Variants in PTGR2 observed in about 807,000 individuals in gnomAD.
The protein encoded by PTGR2 is prostaglandin reductase 2, also known as 15-oxoprostaglandin 13-reductase.
A neutral mutation model predicts 43.4 loss-of-function variants in PTGR2; 32 were observed. The observed-to-expected ratio is 0.74, with a 90% CI of 0.56 to 0.99. PTGR2 has a LOEUF of 0.99. Among genes scored for constraint, PTGR2 ranks in the 50% least tolerant of loss-of-function variants. The pLI, the probability that PTGR2 is intolerant of heterozygous loss-of-function variation, is 0.00. For missense variants in PTGR2, 373 were observed against 420.0 expected, an observed-to-expected ratio of 0.89 and a Z score of 0.98; for synonymous variants, 106 against 139.2, an observed-to-expected ratio of 0.76 and a Z score of 1.68.
rs191761740 is a variant in PTGR2, at chr14:73,863,779, C to G, written c.156+3122C>G. Among the ~76,000 whole-genome samples, 425 of 152,170 alleles carry G rather than the reference C, an allele frequency of 2.8e-3. 2 individuals carry two copies. The highest frequency in any genetic ancestry group is 9.8e-3 in the African/African-American group (408 of 41,532). ...AACAGGCGTGCACCACCACACCCAG[C>G]TAATTTTTGTATTTTTAGTAGAGAT... On this transcript the variant is annotated intron_variant, in intron 3 of 9. Transcript: ENST00000555661.
intron 3 of PTGR2, among the ~76,000 whole-genome samples, chr14:73,863,380 C>T (rs543846045): frequency 6.6e-6 from 1 of 152,256 alleles, no homozygotes; most frequent in African/African-American, 2.4e-5. Context: ...GCAATCATAG[C>T]TCACGGCTGC....
chr14:73,872,539 A>G (rs2054760882), intron 3 of PTGR2, among the ~76,000 whole-genome samples: 1 of 152,206 alleles, frequency 6.6e-6, no homozygotes, highest in African/African-American at 2.4e-5. Flanking sequence ...TTCCTTAAGT[A>G]ATTCTTTTAA....
chr14:73,877,409 T>C lies in PTGR2; in HGVS notation c.519+241T>C, dbSNP rs145741690. ...CCTCTAGAGTAGCTGGGACTACAGG[T>C]GTGTGCCACCACACCTGGCTAATTT... On this transcript the variant is annotated intron_variant, in intron 5 of 9. Transcript: ENST00000555661. 5.0e-3 allele frequency: 1,484 copies of C among 297,344 alleles called. 13 individuals are homozygous for C. Among genetic ancestry groups the C allele is most frequent in the African/African-American group, 0.03 (1,386 of 46,282 alleles). The allele number at this position is 297,344 out of a possible 1,614,324, so 18.4% of individuals were successfully genotyped here.
rs934743387 is a variant in PTGR2, at chr14:73,885,481, T to C, written c.*1304T>C. On this transcript the variant is annotated 3_prime_UTR_variant, in exon 10 of 10. Transcript: ENST00000555661. ...TGTTTCTGAATGTTTTGGCTTATGA[T>C]TGTCTACACACTGCCAATATACTTT... 6.6e-6 allele frequency: 1 copy of C among 152,226 alleles called. No individual in the cohort carries two copies. Among genetic ancestry groups the C allele is most frequent in the Admixed American group, 6.5e-5 (1 of 15,278 alleles). 9.4% of individuals were successfully genotyped at this position (152,226 alleles called of 1,614,324 possible).
At position 73,880,174 on chromosome 14, in the gene PTGR2, A is replaced by G; in HGVS notation, c.849A>G (p.Thr283=). Residue 283 remains threonine, a splice_region_variant and synonymous_variant, in exon 7 of 10, where the codon ACA becomes ACG. Transcript: ENST00000555661. ...CAATCCAGAAAGAAAGAAACATCAC[A>G]AGGTGTGTTCTTCCTCTTTGCCCTT... is the stretch of plus-strand genomic sequence containing the variant. ...IEAIQKERNI[T]RERFLVLNYK... The G allele has an allele frequency of 1.2e-6, 2 of 1,613,790 alleles. No individual in the cohort carries two copies. The highest frequency in any genetic ancestry group is 1.1e-5 in the South Asian group (1 of 91,080).
chr14:73,852,374 G>A (rs1448197189), intron 1 of PTGR2, among the ~76,000 whole-genome samples: 3 of 152,094 alleles, frequency 2.0e-5, no homozygotes, highest in Non-Finnish European at 4.4e-5. Context: ...CGATTCTCCT[G>A]CCTCAGCCTC....
At chr14:73,856,123 G>A (rs1213989922) in intron 1 of PTGR2, among the ~76,000 whole-genome samples, 3 of 152,000 alleles carry the variant, frequency 2.0e-5, no homozygotes, top group Non-Finnish European at 4.4e-5. Context: ...GTAGCCTACA[G>A]TAATGTCCTA....
At chr14:73,868,421 T>G (rs2054652604) in intron 3 of PTGR2, among the ~76,000 whole-genome samples, 2 of 152,318 alleles carry the variant, frequency 1.3e-5, no homozygotes, top group Middle Eastern at 6.8e-3. Context: ...TTCTGCTTAA[T>G]CTTTGTATGA....
rs2054800923 is a variant in PTGR2, at chr14:73,874,148, T to C, written c.282T>C (p.Asp94=). The C allele has an allele frequency of 6.8e-6, 11 of 1,614,010 alleles. No individual in the cohort carries two copies. The highest frequency in any genetic ancestry group is 9.3e-6 in the Non-Finnish European group (11 of 1,179,984). The change falls in exon 4 of 10, where the codon GAT becomes GAC. Residue 94 remains aspartate, a synonymous_variant. Transcript: ENST00000555661. ...ESKHTNLTKG[D]FVTSFYWPWQ... ...AACACACAAATTTGACTAAAGGCGA[T>C]TTTGTGACTTCTTTCTATTGGCCCT...
intron 3 of PTGR2, among the ~76,000 whole-genome samples, chr14:73,865,800 T>G (rs887157184): frequency 3.9e-5 from 6 of 152,128 alleles, no homozygotes; most frequent in African/African-American, 1.4e-4. Flanking sequence ...CAGCACTGTT[T>G]GTTGAAAAGA....
intron 7 of PTGR2, among the ~76,000 whole-genome samples, chr14:73,880,516 A>C (rs2054958851): frequency 6.6e-6 from 1 of 151,504 alleles, no homozygotes; most frequent in African/African-American, 2.4e-5. Flanking sequence ...TGGAGGTTGC[A>C]GTGAGCCAAA....
intron 4 of PTGR2, chr14:73,874,628 G>T (rs766666863): frequency 6.6e-6 from 3 of 455,704 alleles, no homozygotes; most frequent in Non-Finnish European, 1.3e-5. Flanking sequence ...CAAACTCCTA[G>T]GCTCAAGCAA....
intron 3 of PTGR2, among the ~76,000 whole-genome samples, chr14:73,864,824 T>C (rs2054567412): frequency 6.6e-6 from 1 of 152,220 alleles, no homozygotes; most frequent in Admixed American, 6.5e-5. Context: ...TCTTTTTTTG[T>C]TTGTCACGTA....
At chr14:73,866,051 G>A (rs2054590681) in intron 3 of PTGR2, among the ~76,000 whole-genome samples, 1 of 151,600 alleles carries the variant, frequency 6.6e-6, no homozygotes, top group Non-Finnish European at 1.5e-5. Flanking sequence ...CGCCAGTCTG[G>A]AGTGCAGTGG....
intron 8 of PTGR2, 77 bp from the exon 9 acceptor site, chr14:73,882,322 C>G (rs1264792887): frequency 1.1e-6 from 1 of 908,354 alleles, no homozygotes; most frequent in South Asian, 1.5e-5. Flanking sequence ...GTATTGCTGG[C>G]TTTTGTAAGT....
At chr14:73,872,649 T>G (rs2054763162) in intron 3 of PTGR2, among the ~76,000 whole-genome samples, 1 of 152,224 alleles carries the variant, frequency 6.6e-6, no homozygotes, top group Admixed American at 6.5e-5. Flanking sequence ...CACCTCAGTT[T>G]TTTAATTTTT....
intron 4 of PTGR2, chr14:73,874,551 T>G (rs1328469361): frequency 2.1e-6 from 1 of 465,494 alleles, no homozygotes; most frequent in African/African-American, 2.0e-5. Context: ...AAGGTGTTCT[T>G]TATTTGTTTC....
chr14:73,860,441 T>C (rs1423335049), intron 2 of PTGR2, 98 bp from the exon 3 acceptor site: 1 of 588,988 alleles, frequency 1.7e-6, no homozygotes, highest in African/African-American at 2.0e-5. Flanking sequence ...CATTCCAGCC[T>C]GGGTGATAGA....
In PTGR2 at chr14:73,881,276, A is replaced by G; in HGVS notation, c.923A>G (p.Lys308Arg). The G allele has an allele frequency of 6.3e-7, 1 of 1,599,064 alleles. No homozygotes were observed. The highest frequency in any genetic ancestry group is 1.1e-5 in the South Asian group (1 of 90,648). Residue 308 changes from lysine (K) to arginine (R), a missense_variant, in exon 8 of 10, where the codon AAA (lysine) becomes AGA (arginine). By Grantham distance (26) the Lys-to-Arg change is conservative. Transcript: ENST00000555661. The stretch of plus-strand genomic sequence containing the variant: ...ATTCTACAGCTGAGTCAGTGGTTTA[A>G]AGAAGGAAAGCTAAAGGTAGAACTT... ...PGILQLSQWF[K>R]EGKLKIKETV...
Sources: gnomAD v4.1 joint callset for allele counts (sites outside exome capture counted in the v4.1 genomes callset) on GRCh38, gnomAD v4.1.1 for gene constraint, MANE v1.5 for transcripts, NCBI Gene and HGNC (gene_info 2026-07-23, HGNC 2026-07-21) for gene names.